CATSPERE: variants seen among roughly 807,000 people sequenced by gnomAD.
The protein encoded by CATSPERE is catsper channel auxiliary subunit epsilon, also known as cation channel sperm-associated auxiliary subunit epsilon.
In CATSPERE, 93 loss-of-function variants were observed where a neutral mutation model predicts 114.1. The observed-to-expected ratio is 0.81, with a 90% CI of 0.69 to 0.97. The LOEUF (loss-of-function observed/expected upper bound fraction) is 0.97, where lower values mean the gene tolerates loss of function less well. Ranked by LOEUF, CATSPERE falls within the 50% of genes least tolerant of loss-of-function variation. The probability of loss-of-function intolerance (pLI) is 0.00; values close to 1 mark genes in which losing one functional copy is unlikely to be tolerated. For synonymous variants in CATSPERE, 341 were observed against 384.1 expected (o/e 0.89, Z 1.31); for missense variants, 1,058 against 1,131.6 (o/e 0.93, Z 0.93).
chr1:244,485,428 A>G (rs1670840617), intron 5 of CATSPERE, among the ~76,000 whole-genome samples: 1 of 151,986 alleles, frequency 6.6e-6, no homozygotes, highest in Non-Finnish European at 1.5e-5. Flanking sequence ...TGATCCACCC[A>G]CCTAAGCCTC....
chr1:244,473,304 A>G (rs182354534), intron 2 of CATSPERE, among the ~76,000 whole-genome samples: 27 of 152,234 alleles, frequency 1.8e-4, no homozygotes, highest in African/African-American at 3.9e-4. Context: ...TGCAATTCCA[A>G]TAGGTGTGTT....
chr1:244,555,960 G>T (rs1423379890), intron 9 of CATSPERE, among the ~76,000 whole-genome samples: 1 of 152,184 alleles, frequency 6.6e-6, no homozygotes, highest in Non-Finnish European at 1.5e-5. Context: ...GGGAGGCCAA[G>T]GCAGGAGGAT....
Position 244,598,969 on chromosome 1 carries a change from C to G in CATSPERE, c.2303+5391C>G, listed in dbSNP as rs553651895. Among the ~76,000 whole-genome samples the G allele has an allele frequency of 4.6e-5, 7 of 152,232 alleles. 1 individual carries two copies. The South Asian group carries it at 1.5e-3, about 32-fold the overall frequency. ...AGGCTATGCTGCAGTAATAAATAAA[C>G]CCTAAAATCCCAGTGCCTAACTCTC... is the stretch of plus-strand genomic sequence containing the variant. On this transcript the variant is annotated intron_variant, in intron 17 of 21. Coordinates refer to ENST00000366534, the MANE Select transcript of CATSPERE (RefSeq NM_001130957.2).
intron 5 of CATSPERE, 122 bp downstream of exon 5, chr1:244,479,906 A>C (rs1013697308): frequency 6.6e-6 from 3 of 457,226 alleles, no homozygotes; most frequent in African/African-American, 6.1e-5. Context: ...TCACCAACCA[A>C]GCTATTCTCA....
At chr1:244,470,555 T>G (rs939829425) in intron 2 of CATSPERE, among the ~76,000 whole-genome samples, 1 of 152,242 alleles carries the variant, frequency 6.6e-6, no homozygotes, top group African/African-American at 2.4e-5. Flanking sequence ...ACTCTTATAT[T>G]GCTGTCAAAT....
At chr1:244,561,969 T>C (rs981911340) in intron 10 of CATSPERE, among the ~76,000 whole-genome samples, 3 of 151,822 alleles carry the variant, frequency 2.0e-5, no homozygotes, top group Non-Finnish European at 4.4e-5. Context: ...CTGTGCAACA[T>C]GGTGAGACCT....
At chr1:244,499,161 A>G in intron 7 of CATSPERE, 82 bp downstream of exon 7, 1 of 1,027,418 alleles carries the variant, frequency 9.7e-7, no homozygotes, top group Non-Finnish European at 1.5e-6. Context: ...TTTATAATCA[A>G]TAGACAGGAT....
At chr1:244,545,428 G>A (rs1314746578) in intron 8 of CATSPERE, among the ~76,000 whole-genome samples, 1 of 152,194 alleles carries the variant, frequency 6.6e-6, no homozygotes, top group Admixed American at 6.5e-5. Flanking sequence ...GAAGGCTCTA[G>A]AATAAGTCTA....
intron 11 of CATSPERE, 93 bp from the exon 12 acceptor site, chr1:244,581,703 C>A (rs1666200481): frequency 1.7e-6 from 1 of 588,402 alleles, no homozygotes; most frequent in Non-Finnish European, 3.1e-6. Flanking sequence ...AGGCATTTTA[C>A]ATGCCTAGAT....
At chr1:244,451,933 C>G, upstream of CATSPERE, 1 of 1,117,166 alleles carries the variant, frequency 9.0e-7, no homozygotes, top group Non-Finnish European at 1.2e-6. The surrounding 1 kb of genome is among the most constrained non-coding windows in gnomAD (Gnocchi z 6.6). Context: ...GAGGCCGGCC[C>G]CGCCCCCGCC....
chr1:244,554,646 T>C (rs1170635406), intron 9 of CATSPERE, among the ~76,000 whole-genome samples: 2 of 152,260 alleles, frequency 1.3e-5, no homozygotes, highest in Non-Finnish European at 2.9e-5. Context: ...TAACTGTTTT[T>C]TCACATACCT....
In CATSPERE at chr1:244,607,313, C is replaced by G. The variant is rs1284925174; in HGVS notation, c.2403+1519C>G. Among the ~76,000 whole-genome samples, 2 of 152,196 alleles carry G rather than the reference C, an allele frequency of 1.3e-5. No homozygotes were observed. Among genetic ancestry groups the G allele is most frequent in the Non-Finnish European group, 2.9e-5 (2 of 68,042 alleles). On this transcript the variant is annotated intron_variant, in intron 18 of 21. Transcript: ENST00000366534. The surrounding 1 kb of genome is among the most constrained non-coding windows in gnomAD (Gnocchi z 4.4). Reference sequence around the variant, plus strand: ...CAGTATCATTTCCAGGTCATTCTCTCTTCACTCTAAGTAAAACTCCATTTG... The same window carrying G: ...CAGTATCATTTCCAGGTCATTCTCTGTTCACTCTAAGTAAAACTCCATTTG...
At chr1:244,502,520 C>G (rs1473827601) in intron 7 of CATSPERE, among the ~76,000 whole-genome samples, 1 of 152,122 alleles carries the variant, frequency 6.6e-6, no homozygotes, top group African/African-American at 2.4e-5. Context: ...TTTTAACTGG[C>G]AACTCTCTTC....
chr1:244,478,372 G>T (rs762164779), intron 4 of CATSPERE, among the ~76,000 whole-genome samples: 3 of 152,158 alleles, frequency 2.0e-5, no homozygotes, highest in Non-Finnish European at 4.4e-5. Flanking sequence ...AAGAAAACAT[G>T]AGAATGCAAA....
At chr1:244,571,582 C>A (rs1664465570) in intron 10 of CATSPERE, among the ~76,000 whole-genome samples, 1 of 152,178 alleles carries the variant, frequency 6.6e-6, no homozygotes, top group Non-Finnish European at 1.5e-5. Context: ...ATGCTTTATA[C>A]CACTCTCACC....
Position 244,617,552 on chromosome 1 carries a change from T to C in CATSPERE, c.2514T>C (p.Tyr838=), listed in dbSNP as rs1321802732. 3 of 1,526,516 alleles carry C rather than the reference T, an allele frequency of 2.0e-6. No homozygotes were observed. Among genetic ancestry groups the C allele is most frequent in the South Asian group, 2.5e-5 (2 of 78,456 alleles). The allele number at this position is 1,526,516 out of a possible 1,614,324, so 94.6% of individuals were successfully genotyped here. ...GPENYKHCFS[Y]AIGKPGDLNQ... ...AGAACTATAAACACTGTTTTTCTTA[T>C]GCTATTGGAAAACCAGGAGACTTAA... The change falls in exon 20 of 22, where the codon TAT becomes TAC. Residue 838 remains tyrosine, a synonymous_variant. Coordinates refer to ENST00000366534, the MANE Select transcript of CATSPERE (RefSeq NM_001130957.2).
chr1:244,538,237 A>G (rs1680669038), intron 8 of CATSPERE, among the ~76,000 whole-genome samples: 1 of 152,222 alleles, frequency 6.6e-6, no homozygotes. Context: ...AAATTAAAAC[A>G]TGGCAGATTA....
intron 13 of CATSPERE, among the ~76,000 whole-genome samples, chr1:244,585,384 C>T (rs1050476989): frequency 6.6e-6 from 1 of 152,196 alleles, no homozygotes; most frequent in African/African-American, 2.4e-5. Context: ...CAAATCTAGC[C>T]ATCCTCTGTG....
chr1:244,564,526 G>A (rs1663114769), intron 10 of CATSPERE, among the ~76,000 whole-genome samples: 1 of 152,180 alleles, frequency 6.6e-6, no homozygotes, highest in African/African-American at 2.4e-5. Context: ...GTGAATGGCA[G>A]TTCACTCATG....
Sources: allele counts gnomAD v4.1 joint callset (sites outside exome capture counted in the v4.1 genomes callset), GRCh38; gene constraint gnomAD v4.1.1; non-coding constraint Gnocchi (gnomAD v3.1); transcripts MANE v1.5; gene names NCBI Gene and HGNC (gene_info 2026-07-23, HGNC 2026-07-21).